The following PRKG1 variants were observed in gnomAD, a reference collection of about 807,000 sequenced individuals.
The protein encoded by PRKG1 is protein kinase cGMP-dependent 1, also known as cGMP-dependent protein kinase 1.
PRKG1 carries 35 observed loss-of-function variants against 88.1 expected under a neutral mutation model. That is an observed-to-expected ratio of 0.40 (90% CI 0.30 to 0.53). The LOEUF (loss-of-function observed/expected upper bound fraction) is 0.53. Among genes scored for constraint, PRKG1 ranks in the 20% least tolerant of loss-of-function variants. The pLI is 0.59. For missense variants in PRKG1, 540 were observed against 839.8 expected (o/e 0.64, Z 4.41); for synonymous variants, 303 against 292.5 (o/e 1.04, Z -0.37).
At chr10:52,207,567 C>T (rs1839854039) in intron 9 of PRKG1, among the ~76,000 whole-genome samples, 1 of 152,182 alleles carries the variant, frequency 6.6e-6, no homozygotes. Flanking sequence ...CTGTGCTCCA[C>T]AGCAGCCATT....
chr10:51,967,259 T>G (rs1305060592), intron 5 of PRKG1, among the ~76,000 whole-genome samples: 1 of 152,098 alleles, frequency 6.6e-6, no homozygotes, highest in Admixed American at 6.5e-5. Context: ...ATGTCCTTTG[T>G]AGGGACATGG....
chr10:51,103,719 C>T (rs1228890330), intron 1 of PRKG1, among the ~76,000 whole-genome samples: 1 of 152,152 alleles, frequency 6.6e-6, no homozygotes, highest in Non-Finnish European at 1.5e-5. Context: ...GCTTCAGGAG[C>T]TCCTGATCCT....
intron 2 of PRKG1, among the ~76,000 whole-genome samples, chr10:51,345,559 C>T (rs1448964061): frequency 6.6e-6 from 1 of 151,728 alleles, no homozygotes; most frequent in Non-Finnish European, 1.5e-5. Context: ...GTTGGGCAGA[C>T]AGTAATCACT....
intron 3 of PRKG1, among the ~76,000 whole-genome samples, chr10:51,677,736 C>G (rs902720271): frequency 4.6e-5 from 7 of 152,164 alleles, no homozygotes; most frequent in African/African-American, 1.7e-4. Context: ...TCTCATCCCC[C>G]ATTTGTGCTC....
intron 2 of PRKG1, among the ~76,000 whole-genome samples, chr10:51,442,096 G>T (rs534380022): frequency 1.3e-5 from 2 of 150,452 alleles, no homozygotes; most frequent in Admixed American, 6.6e-5. Flanking sequence ...CTGCATATTT[G>T]CTCACTAAAG....
intron 8 of PRKG1, among the ~76,000 whole-genome samples, chr10:52,152,465 A>T (rs1837955509): frequency 6.6e-6 from 1 of 152,124 alleles, no homozygotes; most frequent in South Asian, 2.1e-4. Context: ...AGTGAAGGCT[A>T]CTTTGCATGG....
chr10:51,236,646 G>T (rs1838998917), intron 2 of PRKG1, among the ~76,000 whole-genome samples: 1 of 152,104 alleles, frequency 6.6e-6, no homozygotes, highest in South Asian at 2.1e-4. Context: ...GAGACTACAG[G>T]TGTGCGCCAC....
chr10:51,315,225 C>T (rs1484981002), intron 2 of PRKG1, among the ~76,000 whole-genome samples: 1 of 152,140 alleles, frequency 6.6e-6, no homozygotes, highest in Non-Finnish European at 1.5e-5. Context: ...ACAGTCATCA[C>T]TGATCTTCCA....
At chr10:52,272,224 A>T (rs1478278368) in intron 11 of PRKG1, among the ~76,000 whole-genome samples, 168 bp from the exon 12 acceptor site, 10 of 152,040 alleles carry the variant, frequency 6.6e-5, no homozygotes, top group Non-Finnish European at 1.5e-5. Context: ...TTAAAATCCT[A>T]TTCATGAGCC....
intron 2 of PRKG1, among the ~76,000 whole-genome samples, chr10:51,233,913 T>C (rs1015718815): frequency 4.6e-5 from 7 of 152,184 alleles, no homozygotes; most frequent in African/African-American, 1.7e-4. Context: ...TACATTCTTC[T>C]TATGAATCAG....
intron 2 of PRKG1, among the ~76,000 whole-genome samples, chr10:51,342,114 T>C (rs1471636771): frequency 1.3e-5 from 2 of 152,172 alleles, no homozygotes; most frequent in African/African-American, 2.4e-5. Flanking sequence ...TATTTTAGCC[T>C]AGAGGCCCTT....
At chr10:51,985,243 G>A (rs999367514) in intron 5 of PRKG1, among the ~76,000 whole-genome samples, 15 of 152,138 alleles carry the variant, frequency 9.9e-5, no homozygotes, top group African/African-American at 3.4e-4. Context: ...AGGAGCAAAA[G>A]TGCTTATGGA....
At chr10:52,293,751 G>A (rs750763755) in intron 17 of PRKG1, 51 bp from the exon 18 acceptor site, 9 of 1,451,332 alleles carry the variant, frequency 6.2e-6, no homozygotes, top group South Asian at 1.2e-5. Context: ...ATTCCAGCTT[G>A]GAATTCCACT....
At chr10:52,249,899 A>C (rs1841130576) in intron 9 of PRKG1, among the ~76,000 whole-genome samples, 1 of 152,200 alleles carries the variant, frequency 6.6e-6, no homozygotes, top group Non-Finnish European at 1.5e-5. Context: ...TGAGATTTCT[A>C]AATCCAACAA....
intron 2 of PRKG1, among the ~76,000 whole-genome samples, chr10:51,429,991 A>G (rs1318757431): frequency 6.6e-6 from 1 of 151,828 alleles, no homozygotes; most frequent in Non-Finnish European, 1.5e-5. Context: ...AATTAGATAA[A>G]AGAATTTTAA....
intron 2 of PRKG1, among the ~76,000 whole-genome samples, chr10:51,458,301 T>A (rs1163784371): frequency 6.6e-6 from 1 of 152,160 alleles, no homozygotes; most frequent in East Asian, 1.9e-4. Context: ...TTGTTGTTTC[T>A]ATTTTCTGGA....
chr10:52,212,633 G>C (rs1488868927), intron 9 of PRKG1, among the ~76,000 whole-genome samples: 3 of 151,006 alleles, frequency 2.0e-5, no homozygotes, highest in African/African-American at 4.9e-5. Context: ...GAGAGAGAGA[G>C]AGATTAAAAA....
At chr10:51,935,607 A>G (rs780253237) in intron 5 of PRKG1, among the ~76,000 whole-genome samples, 2 of 152,154 alleles carry the variant, frequency 1.3e-5, no homozygotes, top group Admixed American at 1.3e-4. Flanking sequence ...TCAGTCATGA[A>G]AGACTTCTTA....
intron 3 of PRKG1, among the ~76,000 whole-genome samples, chr10:51,516,110 C>T (rs867084980): frequency 1.3e-5 from 2 of 151,962 alleles, no homozygotes; most frequent in South Asian, 2.1e-4. Context: ...AATGGGGTCA[C>T]GTGGATGAAT....
Sources: gnomAD v4.1 joint callset for allele counts (sites outside exome capture counted in the v4.1 genomes callset) on GRCh38, gnomAD v4.1.1 for gene constraint, MANE v1.5 for transcripts, NCBI Gene and HGNC (gene_info 2026-07-23, HGNC 2026-07-21) for gene names.